The following CD48 variants were observed in gnomAD, a reference collection of about 807,000 sequenced individuals.
CD48 encodes the protein CD48 antigen.
CD48 carries 20 observed loss-of-function variants against 22.0 expected under a neutral mutation model. The ratio of observed to expected loss-of-function variants is 0.91; its 90% CI spans 0.64 to 1.32. The LOEUF (loss-of-function observed/expected upper bound fraction) is 1.32. Among genes scored for constraint, CD48 ranks in the 40% most tolerant of loss-of-function variants. The pLI, the probability that CD48 is intolerant of heterozygous loss-of-function variation, is 0.00. For missense variants in CD48, 307 were observed against 286.5 expected, an observed-to-expected ratio of 1.07 and a Z score of -0.52; for synonymous variants, 110 against 110.1, an observed-to-expected ratio of 1.00 and a Z score of 0.01.
chr1:160,689,066 C>T (rs1197031496), intron 1 of CD48, among the ~76,000 whole-genome samples: 1 of 152,098 alleles, frequency 6.6e-6, no homozygotes, highest in Non-Finnish European at 1.5e-5. Context: ...CATTACTTCT[C>T]CTTTCATTTG....
chr1:160,681,082 A>G (rs1344123101), intron 3 of CD48, 120 bp downstream of exon 3: 2 of 1,550,742 alleles, frequency 1.3e-6, no homozygotes, highest in Non-Finnish European at 1.7e-6. Context: ...GCTCTCCCAG[A>G]CACCTTAGGG....
rs995543054 is a variant in CD48, at chr1:160,680,888, C to G, written c.652+314G>C. ...TCCCTGCTCACCCTGATGTTTCAGT[C>G]TACTCTATGATGACCCTGGCCTCAG... On this transcript the variant is annotated intron_variant, in intron 3 of 3. Coordinates refer to ENST00000368046, the MANE Select transcript of CD48 (RefSeq NM_001778.4). The G allele has an allele frequency of 4.4e-6, 6 of 1,379,060 alleles. No homozygotes were observed. The African/African-American group carries it at 8.7e-5, about 20-fold the overall frequency. 85.4% of individuals were successfully genotyped at this position (1,379,060 alleles called of 1,614,324 possible). A position where few individuals can be genotyped will look rare whatever the true frequency, so the allele number is the denominator to read the frequency against.
At chr1:160,703,451 G>C (rs1346412720) in intron 1 of CD48, among the ~76,000 whole-genome samples, 1 of 152,128 alleles carries the variant, frequency 6.6e-6, no homozygotes, top group South Asian at 2.1e-4. Flanking sequence ...TAGTGGATGG[G>C]GGATGGCCTG....
intron 1 of CD48, among the ~76,000 whole-genome samples, chr1:160,689,962 C>T (rs1662144595): frequency 6.6e-6 from 1 of 152,124 alleles, no homozygotes; most frequent in Non-Finnish European, 1.5e-5. Context: ...ACAGTATTAT[C>T]TTTAGGAACA....
intron 1 of CD48, among the ~76,000 whole-genome samples, chr1:160,686,867 G>C (rs1049484936): frequency 6.8e-6 from 1 of 146,864 alleles, no homozygotes; most frequent in Non-Finnish European, 1.5e-5. Flanking sequence ...CCACAGGACC[G>C]AGGTGAAATT....
At chr1:160,702,811 G>C (rs1662676307) in intron 1 of CD48, among the ~76,000 whole-genome samples, 1 of 152,116 alleles carries the variant, frequency 6.6e-6, no homozygotes, top group African/African-American at 2.4e-5. Flanking sequence ...CTCGTGATCA[G>C]GTAAATTTTG....
At chr1:160,705,687 T>C (rs1662765644) in intron 1 of CD48, among the ~76,000 whole-genome samples, 1 of 152,148 alleles carries the variant, frequency 6.6e-6, no homozygotes, top group Non-Finnish European at 1.5e-5. Flanking sequence ...TCTCCTTCTG[T>C]TAGTTGTTTC....
chr1:160,687,923 A>G (rs1662061379), intron 1 of CD48, among the ~76,000 whole-genome samples: 1 of 152,170 alleles, frequency 6.6e-6, no homozygotes, highest in Non-Finnish European at 1.5e-5. Flanking sequence ...TCCAATGATA[A>G]ATTATCTTCT....
At chr1:160,702,876 A>G (rs547734682) in intron 1 of CD48, among the ~76,000 whole-genome samples, 53 of 152,310 alleles carry the variant, frequency 3.5e-4, no homozygotes, top group Non-Finnish European at 7.2e-4. Flanking sequence ...TTCAAAAGCT[A>G]ACATATAAAG....
chr1:160,683,633 G>A (rs946834666), intron 2 of CD48: 1 of 151,848 alleles, frequency 6.6e-6, no homozygotes, highest in Non-Finnish European at 1.5e-5. Context: ...TGACATGGAA[G>A]AAGAGTTAGA....
intron 1 of CD48, among the ~76,000 whole-genome samples, chr1:160,700,802 C>G (rs887639589): frequency 1.3e-5 from 2 of 152,150 alleles, no homozygotes; most frequent in Admixed American, 1.3e-4. Flanking sequence ...CTAATTTGAA[C>G]TTTTTGAGGT....
chr1:160,695,815 C>T (rs1350508437), intron 1 of CD48, among the ~76,000 whole-genome samples: 7 of 152,168 alleles, frequency 4.6e-5, no homozygotes, highest in African/African-American at 7.2e-5. Context: ...ATTCCTTCCT[C>T]ACAGTACAGT....
In CD48 at chr1:160,711,706, A is replaced by G. The variant is rs375107070; in HGVS notation, c.58T>C (p.Ser20Pro). ...CCTTGAATGCTGGTCACCAGGAGTGACAGAGGCAGCAGTAGCAATTCCAGA... is the reference window on the plus strand; with the variant it reads ...CCTTGAATGCTGGTCACCAGGAGTGGCAGAGGCAGCAGTAGCAATTCCAGA... ...LALELLLLPL[S>P]LLVTSIQGHL... The change falls in exon 1 of 4, where the codon TCA becomes CCA. Residue 20 changes from serine to proline, a missense_variant. Transcript: ENST00000368046. 3.3e-5 allele frequency: 54 copies of G among 1,613,532 alleles called. No homozygotes were observed. The Middle Eastern group carries it at 2.8e-3, about 84-fold the overall frequency.
At chr1:160,698,119 A>C (rs1662496793) in intron 1 of CD48, among the ~76,000 whole-genome samples, 1 of 152,148 alleles carries the variant, frequency 6.6e-6, no homozygotes, top group Non-Finnish European at 1.5e-5. Flanking sequence ...ATTCCATTCT[A>C]ACGGTTCCTT....
intron 2 of CD48, among the ~76,000 whole-genome samples, chr1:160,682,399 G>A (rs1175935959): frequency 2.7e-5 from 4 of 150,866 alleles, no homozygotes; most frequent in African/African-American, 9.8e-5. Context: ...AGGAGTTCCA[G>A]GGTGCAATAA....
intron 1 of CD48, among the ~76,000 whole-genome samples, chr1:160,700,277 C>T (rs1248827556): frequency 5.9e-5 from 9 of 152,072 alleles, no homozygotes; most frequent in African/African-American, 2.2e-4. Context: ...TTGTCAATAA[C>T]GCCAATAAAA....
In CD48 at chr1:160,679,093, C is replaced by T; in HGVS notation, c.691G>A (p.Val231Met). 1 of 1,614,192 alleles carries T rather than the reference C, an allele frequency of 6.2e-7. No individual in the cohort carries two copies. Among genetic ancestry groups the T allele is most frequent in the Non-Finnish European group, 8.5e-7 (1 of 1,180,018 alleles). The change falls in exon 4 of 4, where the codon GTG (valine) becomes ATG (methionine). Residue 231 changes from valine to methionine, a missense_variant. Physicochemically the swap from Val to Met is conservative, Grantham distance 21 (BLOSUM62 1). Transcript: ENST00000368046. ...CCAAGAATGGTGGGCACCGTGACCA[C>T]TAGCCAACTTGCAATCCATTCTACT... Reference protein sequence around the residue: ...FGVEWIASWLVVTVPTILGLL... With the variant: ...FGVEWIASWLMVTVPTILGLL...
At chr1:160,679,491 G>A (rs1661720840) in intron 3 of CD48, among the ~76,000 whole-genome samples, 1 of 152,056 alleles carries the variant, frequency 6.6e-6, no homozygotes, top group South Asian at 2.1e-4. Context: ...GCTGACTTTA[G>A]AGAGAAAAGG....
At chr1:160,707,474 G>T (rs1662828527) in intron 1 of CD48, among the ~76,000 whole-genome samples, 1 of 152,152 alleles carries the variant, frequency 6.6e-6, no homozygotes, top group Non-Finnish European at 1.5e-5. Context: ...CACAGGTCTT[G>T]ACTGGGAGGA....
Sources: allele counts gnomAD v4.1 joint callset (sites outside exome capture counted in the v4.1 genomes callset), GRCh38; gene constraint gnomAD v4.1.1; transcripts MANE v1.5; gene names NCBI Gene and HGNC (gene_info 2026-07-23, HGNC 2026-07-21).